The following RFX3 variants were observed in gnomAD, a reference collection of about 807,000 sequenced individuals.
RFX3 encodes regulatory factor X3, also known as transcription factor RFX3.
A neutral mutation model predicts 98.6 loss-of-function variants in RFX3; 14 were observed. That is an observed-to-expected ratio of 0.14 (90% confidence interval 0.09 to 0.22). RFX3 has a LOEUF of 0.22. Among genes scored for constraint, RFX3 ranks in the 10% least tolerant of loss-of-function variants. The pLI, the probability that RFX3 is intolerant of heterozygous loss-of-function variation, is 1.00. For missense variants in RFX3, 639 were observed against 926.9 expected (o/e 0.69, Z 4.03); for synonymous variants, 383 against 328.4 (o/e 1.17, Z -1.80).
At chr9:3,258,852 A>G (rs115901164) in intron 13 of RFX3, among the ~76,000 whole-genome samples, 73 of 151,062 alleles carry the variant, frequency 4.8e-4, no homozygotes, top group Non-Finnish European at 8.6e-4. Flanking sequence ...TTTTAAATAT[A>G]TATTTGTATT....
intron 4 of RFX3, among the ~76,000 whole-genome samples, chr9:3,318,033 A>G (rs1008315958): frequency 6.6e-6 from 1 of 152,224 alleles, no homozygotes; most frequent in African/African-American, 2.4e-5. Context: ...TACGTACCCA[A>G]AGGAGTATAA....
intron 3 of RFX3, among the ~76,000 whole-genome samples, chr9:3,333,545 T>C (rs1832835125): frequency 6.6e-6 from 1 of 152,036 alleles, no homozygotes; most frequent in African/African-American, 2.4e-5. Flanking sequence ...TCTTTATTTA[T>C]ATGTTTATTT....
At position 3,507,354 on chromosome 9, in the gene RFX3, GATA is replaced by G. The variant is rs1817202142; in HGVS notation, c.-9+18390_-9+18392del. Among the ~76,000 whole-genome samples, 4 of 151,928 alleles carry G rather than the reference GATA, an allele frequency of 2.6e-5. No homozygotes were observed. In the South Asian group the frequency reaches 8.3e-4, roughly 32 times the overall value. On this transcript the variant is annotated intron_variant, in intron 1 of 16. Transcript: ENST00000617270. ...ACAAGGCAGAATTCAGACCATATAG[GATA>G]ATAATAGCAATTGCCATTTATTAAA... is the stretch of plus-strand genomic sequence containing the variant.
At chr9:3,400,543 C>T (rs1240109054) in intron 1 of RFX3, among the ~76,000 whole-genome samples, 1 of 152,172 alleles carries the variant, frequency 6.6e-6, no homozygotes, top group Non-Finnish European at 1.5e-5. Flanking sequence ...TAGGGTCATG[C>T]CAGTTGATAA....
At chr9:3,501,902 G>A (rs1816054094) in intron 1 of RFX3, among the ~76,000 whole-genome samples, 1 of 151,802 alleles carries the variant, frequency 6.6e-6, no homozygotes, top group African/African-American at 2.4e-5. Context: ...ATGTGATACT[G>A]ATTAGAACTG....
At chr9:3,366,702 CTTTCT>C (rs1554681260) in intron 2 of RFX3, among the ~76,000 whole-genome samples, 3 of 76,304 alleles carry the variant, frequency 3.9e-5, no homozygotes, top group South Asian at 3.9e-4. Context: ...TCCTTTCTTT[CTTTCT>C]TTCTTTCTTT....
intron 4 of RFX3, among the ~76,000 whole-genome samples, chr9:3,306,944 T>C (rs1829394752): frequency 1.3e-5 from 2 of 151,998 alleles, no homozygotes; most frequent in African/African-American, 4.8e-5. Flanking sequence ...TTCCCATGTG[T>C]TGTGGGAGGG....
intron 1 of RFX3, among the ~76,000 whole-genome samples, chr9:3,408,653 C>T (rs1842189949): frequency 6.6e-6 from 1 of 151,962 alleles, no homozygotes; most frequent in Non-Finnish European, 1.5e-5. Flanking sequence ...CACATGGCCA[C>T]ACACACAGAC....
At chr9:3,525,292 C>A (rs1819151904) in intron 1 of RFX3, among the ~76,000 whole-genome samples, 1 of 152,106 alleles carries the variant, frequency 6.6e-6, no homozygotes, top group Admixed American at 6.6e-5. Flanking sequence ...TTGTCTATTT[C>A]GGCTTTGAAA....
chr9:3,316,222 T>A (rs1393758412), intron 4 of RFX3, among the ~76,000 whole-genome samples: 2 of 152,140 alleles, frequency 1.3e-5, no homozygotes, highest in Non-Finnish European at 2.9e-5. Flanking sequence ...TGGTTCAACA[T>A]ATGCAAATCA....
chr9:3,395,127 A>G (rs1023067981), intron 2 of RFX3, among the ~76,000 whole-genome samples: 18 of 152,370 alleles, frequency 1.2e-4, no homozygotes, highest in Non-Finnish European at 2.5e-4. Flanking sequence ...TGACATTTCA[A>G]TATGAAAGAA....
At chr9:3,385,961 G>A (rs935626207) in intron 2 of RFX3, among the ~76,000 whole-genome samples, 5 of 152,070 alleles carry the variant, frequency 3.3e-5, no homozygotes, top group African/African-American at 1.2e-4. Context: ...TTGAGAAATT[G>A]TCTGGCATTT....
At chr9:3,477,289 C>G (rs994031953) in intron 1 of RFX3, among the ~76,000 whole-genome samples, 1 of 152,160 alleles carries the variant, frequency 6.6e-6, no homozygotes, top group African/African-American at 2.4e-5. Flanking sequence ...TTAACCATTC[C>G]TCTTTATTTC....
chr9:3,376,262 G>A (rs1838480626), intron 2 of RFX3, among the ~76,000 whole-genome samples: 1 of 152,110 alleles, frequency 6.6e-6, no homozygotes, highest in African/African-American at 2.4e-5. Context: ...TAACCAGTTT[G>A]AAAAATATTT....
intron 1 of RFX3, among the ~76,000 whole-genome samples, chr9:3,460,500 T>C (rs1307566996): frequency 6.6e-6 from 1 of 152,028 alleles, no homozygotes; most frequent in East Asian, 1.9e-4. Context: ...CTCTACCTTA[T>C]ACTCATCAAA....
At chr9:3,251,275 A>C (rs1436144469) in intron 14 of RFX3, among the ~76,000 whole-genome samples, 1 of 152,206 alleles carries the variant, frequency 6.6e-6, no homozygotes, top group East Asian at 1.9e-4. Flanking sequence ...TTAACCCAAA[A>C]AGAAACATTT....
intron 11 of RFX3, among the ~76,000 whole-genome samples, chr9:3,269,000 G>A (rs761995862): frequency 2.6e-5 from 4 of 151,850 alleles, no homozygotes; most frequent in Non-Finnish European, 5.9e-5. Flanking sequence ...AGAGCACAGG[G>A]AGCAAGAGAA....
intron 6 of RFX3, among the ~76,000 whole-genome samples, chr9:3,290,129 C>G (rs2131602589): frequency 6.6e-6 from 1 of 151,864 alleles, no homozygotes; most frequent in Non-Finnish European, 1.5e-5. Flanking sequence ...TAAACTCCCT[C>G]CATAGTACTT....
intron 9 of RFX3, among the ~76,000 whole-genome samples, chr9:3,272,291 C>T (rs1824597523): frequency 6.6e-6 from 1 of 151,982 alleles, no homozygotes; most frequent in African/African-American, 2.4e-5. Context: ...CTATAAAATT[C>T]GTGGAAGATA....
Sources: allele counts gnomAD v4.1 joint callset (sites outside exome capture counted in the v4.1 genomes callset), GRCh38; gene constraint gnomAD v4.1.1; transcripts MANE v1.5; gene names NCBI Gene and HGNC (gene_info 2026-07-23, HGNC 2026-07-21).